The following RUNX1 variants were observed in gnomAD, a reference collection of about 807,000 sequenced individuals.
The protein encoded by RUNX1 is runt-related transcription factor 1.
A neutral mutation model predicts 42.8 loss-of-function variants in RUNX1; 19 were observed. The ratio of observed to expected loss-of-function variants is 0.44; its 90% confidence interval spans 0.31 to 0.65. The LOEUF (loss-of-function observed/expected upper bound fraction) is 0.65, where lower values mean the gene tolerates loss of function less well. Ranked by LOEUF, RUNX1 falls within the 30% of genes least tolerant of loss-of-function variation. The probability of loss-of-function intolerance (pLI) is 0.07; values close to 1 mark genes in which losing one functional copy is unlikely to be tolerated. For missense variants in RUNX1, 528 were observed against 672.0 expected (o/e 0.79, Z 2.37); for synonymous variants, 271 against 289.4 (o/e 0.94, Z 0.64).
At chr21:34,956,483 T>C (rs1177381690) in intron 2 of RUNX1, among the ~76,000 whole-genome samples, 1 of 152,214 alleles carries the variant, frequency 6.6e-6, no homozygotes, top group African/African-American at 2.4e-5. Context: ...AGGCCACTTT[T>C]ATGTCTGCAG....
chr21:34,828,608 A>G lies in RUNX1; in HGVS notation c.805+5802T>C, dbSNP rs566626811. On this transcript the variant is annotated intron_variant, in intron 7 of 8. Coordinates refer to ENST00000675419, the MANE Select transcript of RUNX1 (RefSeq NM_001754.5). Reference sequence around the variant, plus strand: ...TTTGAATGTGTCTTCTCAAAAGTTCATATGTTGGAAACCTGGTTGCCATCA... The same window carrying G: ...TTTGAATGTGTCTTCTCAAAAGTTCGTATGTTGGAAACCTGGTTGCCATCA... 3.3e-5 allele frequency among the ~76,000 whole-genome samples: 5 copies of G among 152,318 alleles called. No individual in the cohort carries two copies. In the East Asian group the frequency reaches 5.8e-4, roughly 18 times the overall value.
chr21:34,964,841 T>C (rs1439238232), intron 2 of RUNX1, among the ~76,000 whole-genome samples: 1 of 152,208 alleles, frequency 6.6e-6, no homozygotes, highest in East Asian at 1.9e-4. Context: ...GAGGGCATGA[T>C]GGCTGGCTAG....
intron 7 of RUNX1, among the ~76,000 whole-genome samples, chr21:34,818,474 T>G (rs934692262): frequency 6.6e-6 from 1 of 151,544 alleles, no homozygotes; most frequent in African/African-American, 2.4e-5. Flanking sequence ...CAGACCCCCC[T>G]CCTTCTGGTT....
intron 2 of RUNX1, among the ~76,000 whole-genome samples, chr21:35,002,164 G>A (rs1268266731): frequency 6.6e-6 from 1 of 151,538 alleles, no homozygotes; most frequent in East Asian, 1.9e-4. Flanking sequence ...ATCCTGAAAT[G>A]CTAACTGGCT....
rs373491098 is a variant in RUNX1 at position 34,790,922 on chromosome 21, G to C, written c.*1213C>G. ...ATCTGTGAAATTATCAGATGACCTTGGGGTGAGCAAATCCCTGGGCAGAAA... is the reference window on the plus strand; with the variant it reads ...ATCTGTGAAATTATCAGATGACCTTCGGGTGAGCAAATCCCTGGGCAGAAA... On this transcript the variant is annotated 3_prime_UTR_variant, in exon 9 of 9. Coordinates refer to ENST00000675419, the MANE Select transcript of RUNX1 (RefSeq NM_001754.5). 3.0e-5 allele frequency: 7 copies of C among 233,590 alleles called. No homozygotes were observed. The South Asian group carries it at 1.3e-3, about 42-fold the overall frequency. The allele number at this position is 233,590 out of a possible 1,614,324, so 14.5% of individuals were successfully genotyped here.
At chr21:35,035,888 T>C (rs1018673083) in intron 2 of RUNX1, among the ~76,000 whole-genome samples, 1 of 152,182 alleles carries the variant, frequency 6.6e-6, no homozygotes, top group African/African-American at 2.4e-5. Context: ...AGATGTGATG[T>C]GGCTGTTTAA....
chr21:34,907,906 C>T lies in RUNX1; in HGVS notation c.59-14943G>A, dbSNP rs2058236808. Among the ~76,000 whole-genome samples the T allele has an allele frequency of 6.6e-6, 1 of 152,084 alleles. No individual in the cohort carries two copies. The highest frequency in any genetic ancestry group is 2.1e-4 in the South Asian group (1 of 4,830). On this transcript the variant is annotated intron_variant, in intron 2 of 8. Coordinates refer to ENST00000675419, the MANE Select transcript of RUNX1 (RefSeq NM_001754.5). The surrounding 1 kb of genome is among the most constrained non-coding windows in gnomAD (Gnocchi z 5.3). ...TTCTTAGCAAACATTTTGTCCAATC[C>T]ATTTAGTTTATAGAGGGAAAAGGAG...
intron 2 of RUNX1, among the ~76,000 whole-genome samples, chr21:34,932,555 C>T (rs1002294824): frequency 6.6e-6 from 1 of 152,142 alleles, no homozygotes; most frequent in African/African-American, 2.4e-5. Context: ...AAAACAGTTA[C>T]AATTTATTGA....
At chr21:35,039,536 G>A (rs1474179331) in intron 2 of RUNX1, among the ~76,000 whole-genome samples, 1 of 152,036 alleles carries the variant, frequency 6.6e-6, no homozygotes, top group African/African-American at 2.4e-5. Flanking sequence ...CTATGACACA[G>A]CACATAAAAC....
In RUNX1 at chr21:34,886,992, C is replaced by G. The variant is rs2146412218; in HGVS notation, c.202G>C (p.Ala68Pro). Residue 68 changes from alanine to proline, a missense_variant, in exon 4 of 9, where the codon GCC becomes CCC. This residue lies in a region of RUNX1 where 114 missense variants were observed against 115.0 expected (regional missense o/e 0.99). Coordinates refer to ENST00000675419, the MANE Select transcript of RUNX1 (RefSeq NM_001754.5). ...LGAPDAGAAL[A>P]GKLRSGDRSM... ...CGGTCGCCGCTCCTCAGCTTGCCGG[C>G]CAGGGCAGCGCCGGCGTCCGGGGCG... 1 of 1,606,440 alleles carries G rather than the reference C, an allele frequency of 6.2e-7. No homozygotes were observed. Among genetic ancestry groups the G allele is most frequent in the Non-Finnish European group, 8.5e-7 (1 of 1,178,230 alleles).
intron 2 of RUNX1, among the ~76,000 whole-genome samples, chr21:35,020,460 G>A (rs968827087): frequency 5.9e-5 from 9 of 152,124 alleles, no homozygotes; most frequent in African/African-American, 2.2e-4. Context: ...TGTTCCTAAG[G>A]CTTTTTATTG....
intron 2 of RUNX1, among the ~76,000 whole-genome samples, chr21:34,968,083 G>A (rs567948960): frequency 8.2e-4 from 125 of 152,334 alleles, no homozygotes; most frequent in African/African-American, 2.8e-3. Flanking sequence ...TGGCAAGGGC[G>A]TGAATGTCCC....
chr21:34,821,250 C>T (rs1040803729), intron 7 of RUNX1: 25 of 1,055,128 alleles, frequency 2.4e-5, no homozygotes, highest in South Asian at 1.3e-4. Context: ...ACAACAATGC[C>T]GCCAATAAGA....
At chr21:34,802,777 C>G (rs1213378227) in intron 7 of RUNX1, among the ~76,000 whole-genome samples, 1 of 152,032 alleles carries the variant, frequency 6.6e-6, no homozygotes. Context: ...GCACCGAACT[C>G]AAATCACAGA....
intron 2 of RUNX1, among the ~76,000 whole-genome samples, chr21:34,930,343 C>T (rs2058434099): frequency 1.4e-5 from 2 of 147,322 alleles, no homozygotes; most frequent in South Asian, 4.3e-4. Context: ...ATAGTATGAA[C>T]CTAGACTCTG....
At chr21:34,971,607 A>T (rs1421740374) in intron 2 of RUNX1, among the ~76,000 whole-genome samples, 1 of 152,126 alleles carries the variant, frequency 6.6e-6, no homozygotes, top group Non-Finnish European at 1.5e-5. Context: ...CGTACATACT[A>T]TGAACAAAGT....
At chr21:34,803,957 G>C (rs981417990) in intron 7 of RUNX1, among the ~76,000 whole-genome samples, 4 of 152,166 alleles carry the variant, frequency 2.6e-5, no homozygotes, top group Non-Finnish European at 5.9e-5. Context: ...AAAATTTAAA[G>C]AGCTTGAGAG....
chr21:35,041,685 C>G (rs1194914661), intron 2 of RUNX1, among the ~76,000 whole-genome samples: 1 of 137,326 alleles, frequency 7.3e-6, no homozygotes, highest in Admixed American at 7.5e-5. Flanking sequence ...TTTAACGAAG[C>G]AATGACTTTC....
intron 8 of RUNX1, among the ~76,000 whole-genome samples, chr21:34,798,680 G>A (rs969559553): frequency 5.3e-5 from 8 of 152,152 alleles, no homozygotes; most frequent in African/African-American, 1.9e-4. Context: ...AAACAATGCA[G>A]TATAACAAGT....
Sources: allele counts gnomAD v4.1 joint callset (sites outside exome capture counted in the v4.1 genomes callset), GRCh38; gene constraint gnomAD v4.1.1; regional missense constraint gnomAD v4.1.1; non-coding constraint Gnocchi (gnomAD v3.1); transcripts MANE v1.5; gene names NCBI Gene and HGNC (gene_info 2026-07-23, HGNC 2026-07-21).